The following PKP4 variants were observed in gnomAD, a reference collection of about 807,000 sequenced individuals.
PKP4 encodes the protein plakophilin-4.
In PKP4, 90 loss-of-function variants were observed where a neutral mutation model predicts 145.1. That is an observed-to-expected ratio of 0.62 (90% CI 0.52 to 0.74). The LOEUF (loss-of-function observed/expected upper bound fraction) is 0.74. Among genes scored for constraint, PKP4 ranks in the 30% least tolerant of loss-of-function variants. The pLI is 0.00. For missense variants in PKP4, 1,340 were observed against 1,482.7 expected, an observed-to-expected ratio of 0.90 and a Z score of 1.58; for synonymous variants, 563 against 577.2, an observed-to-expected ratio of 0.98 and a Z score of 0.35.
At chr2:158,639,321 G>GGTGTGT (rs60771839) in intron 9 of PKP4, among the ~76,000 whole-genome samples, 6 of 137,826 alleles carry the variant, frequency 4.4e-5, no homozygotes, top group East Asian at 2.2e-4. Context: ...ACGCATGAGG[G>GGTGTGT]GTGTGTGTGT....
intron 10 of PKP4, 107 bp from the exon 11 acceptor site, chr2:158,642,379 T>C (rs1252342546): frequency 2.5e-6 from 2 of 789,570 alleles, no homozygotes; most frequent in Non-Finnish European, 3.9e-6. Flanking sequence ...ACCTTTGAAA[T>C]GGTCTAGAGA....
intron 7 of PKP4, 139 bp downstream of exon 7, chr2:158,625,566 A>C: frequency 1.5e-6 from 1 of 675,942 alleles, no homozygotes; most frequent in Non-Finnish European, 2.5e-6. Context: ...ACTTAAGGTT[A>C]ACTTGTCTTT....
intron 1 of PKP4, among the ~76,000 whole-genome samples, chr2:158,508,283 T>G (rs1190923195): frequency 6.7e-6 from 1 of 148,316 alleles, no homozygotes; most frequent in African/African-American, 2.5e-5. Flanking sequence ...GAGAATTGCT[T>G]GAACCTGGAG....
chr2:158,634,496 CT>C (rs1474827661), intron 9 of PKP4, among the ~76,000 whole-genome samples: 1 of 152,046 alleles, frequency 6.6e-6, no homozygotes, highest in South Asian at 2.1e-4. Context: ...TCTTTCCATC[CT>C]TTCATAATAA....
chr2:158,586,609 A>C (rs2048823469), intron 3 of PKP4, among the ~76,000 whole-genome samples: 1 of 152,186 alleles, frequency 6.6e-6, no homozygotes, highest in Admixed American at 6.5e-5. Context: ...TGATGCTCTT[A>C]CGAGCAAATT....
In PKP4 at chr2:158,560,074, C is replaced by T. The variant is rs185300589; in HGVS notation, c.133-17197C>T. On this transcript the variant is annotated intron_variant, in intron 2 of 21. Coordinates refer to ENST00000389759, the MANE Select transcript of PKP4 (RefSeq NM_003628.6). ...TAGAGAAAGGGTTTCACCATGTTGG[C>T]CAGGGTGGTCTTGAACTCCTGGCCT... Among the ~76,000 whole-genome samples the T allele has an allele frequency of 4.3e-4, 65 of 152,204 alleles. No individual in the cohort carries two copies. The East Asian group carries it at 0.012, about 28-fold the overall frequency.
intron 11 of PKP4, among the ~76,000 whole-genome samples, chr2:158,656,675 G>C (rs2055964810): frequency 6.6e-6 from 1 of 152,178 alleles, no homozygotes; most frequent in Admixed American, 6.5e-5. Flanking sequence ...GAGGAGGCCA[G>C]AGCACAAGCA....
At chr2:158,459,514 T>C (rs1689431927) in intron 1 of PKP4, among the ~76,000 whole-genome samples, 1 of 152,164 alleles carries the variant, frequency 6.6e-6, no homozygotes, top group Admixed American at 6.5e-5. Context: ...GAAACGTTTA[T>C]GTTTTGGTTG....
chr2:158,621,115 A>T lies in PKP4; in HGVS notation c.406A>T (p.Ser136Cys), dbSNP rs187667528. The T allele has an allele frequency of 1.2e-5, 20 of 1,614,184 alleles. No homozygotes were observed. The East Asian group carries it at 4.0e-4, about 32-fold the overall frequency. Residue 136 changes from serine to cysteine, a missense_variant, in exon 5 of 22, where the codon AGT (serine) becomes TGT (cysteine). Transcript: ENST00000389759. ...YSPEQTSLHESEGSLGNSRSS... is the reference protein window; with the variant it reads ...YSPEQTSLHECEGSLGNSRSS... Reference sequence around the variant, plus strand: ...ACCAGAACAGACATCTCTCCATGAAAGTGAGGGTCTGTTGTGTTATCTTTT... The same window carrying T: ...ACCAGAACAGACATCTCTCCATGAATGTGAGGGTCTGTTGTGTTATCTTTT...
intron 6 of PKP4, among the ~76,000 whole-genome samples, chr2:158,624,298 C>G (rs2052545588): frequency 6.6e-6 from 1 of 152,166 alleles, no homozygotes; most frequent in African/African-American, 2.4e-5. Context: ...AGCGCCAGAC[C>G]CACACTTGAT....
At chr2:158,607,912 A>C (rs757930) in intron 4 of PKP4, among the ~76,000 whole-genome samples, 91,677 of 152,004 alleles carry the variant, frequency 0.6, 28,135 homozygotes, top group South Asian at 0.81. Context: ...TTTGACTGCC[A>C]TCTTCAGGGT....
In PKP4 at chr2:158,603,116, A is replaced by T. The variant is rs771536019; in HGVS notation, c.280+12A>T. 7.0e-7 allele frequency: 1 copy of T among 1,425,090 alleles called. No individual in the cohort carries two copies. The highest frequency in any genetic ancestry group is 1.4e-5 in the South Asian group (1 of 73,920). The allele number at this position is 1,425,090 out of a possible 1,614,324, so 88.3% of individuals were successfully genotyped here. On this transcript the variant is annotated intron_variant, in intron 4 of 21. Coordinates refer to ENST00000389759, the MANE Select transcript of PKP4 (RefSeq NM_003628.6). ...TTGGAGATCAACAGGTATGTTTTTT[A>T]TTATATAAAAGTTATGTTTGATAAA...
rs181004522 is a variant in PKP4, at chr2:158,595,335, T to G, written c.246-7735T>G. On this transcript the variant is annotated intron_variant, in intron 3 of 21. Transcript: ENST00000389759. Reference sequence around the variant, plus strand: ...CACCATGCTTATTGTAAATATAAAATGAGCTCACGGACATTCTTCTTGAGG... The same window carrying G: ...CACCATGCTTATTGTAAATATAAAAGGAGCTCACGGACATTCTTCTTGAGG... Among the ~76,000 whole-genome samples the G allele has an allele frequency of 2.0e-5, 3 of 152,284 alleles. No individual in the cohort carries two copies. In the East Asian group the frequency reaches 5.8e-4, roughly 29 times the overall value.
chr2:158,563,765 C>T (rs997606527), intron 2 of PKP4, among the ~76,000 whole-genome samples: 2 of 151,832 alleles, frequency 1.3e-5, no homozygotes, highest in African/African-American at 4.8e-5. Flanking sequence ...TACTAGTGTA[C>T]ATTCCTGCTA....
chr2:158,503,437 T>A (rs4664248), intron 1 of PKP4, among the ~76,000 whole-genome samples: 1 of 152,156 alleles, frequency 6.6e-6, no homozygotes, highest in African/African-American at 2.4e-5. Flanking sequence ...AAAGCAAGTC[T>A]CATGAATAAG....
chr2:158,585,326 A>T (rs902482453), intron 3 of PKP4, among the ~76,000 whole-genome samples: 6 of 152,330 alleles, frequency 3.9e-5, no homozygotes, highest in Non-Finnish European at 7.3e-5. Flanking sequence ...AAGGTCATAC[A>T]GTTTTGACAA....
intron 2 of PKP4, chr2:158,549,286 T>C (rs1355178875): frequency 6.6e-6 from 1 of 152,468 alleles, no homozygotes. Flanking sequence ...AAAAATAAAT[T>C]AAGTTTTCAG....
At position 158,584,798 on chromosome 2, in the gene PKP4, G is replaced by A. The variant is rs368047572; in HGVS notation, c.245+7415G>A. Among the ~76,000 whole-genome samples the A allele has an allele frequency of 1.3e-4, 20 of 152,282 alleles. 2 individuals are homozygous for A. Among genetic ancestry groups the A allele is most frequent in the South Asian group, 1.2e-3 (6 of 4,830 alleles). On this transcript the variant is annotated intron_variant, in intron 3 of 21. Coordinates refer to ENST00000389759, the MANE Select transcript of PKP4 (RefSeq NM_003628.6). Reference sequence around the variant, plus strand: ...AGTAAAGAATTTCAAAACTATAACTGTTCTTGACAACAGACTTGGAATGTT... The same window carrying A: ...AGTAAAGAATTTCAAAACTATAACTATTCTTGACAACAGACTTGGAATGTT...
At chr2:158,551,043 T>C (rs1282285073) in intron 2 of PKP4, among the ~76,000 whole-genome samples, 1 of 152,234 alleles carries the variant, frequency 6.6e-6, no homozygotes, top group Non-Finnish European at 1.5e-5. Flanking sequence ...AATAAGATTT[T>C]ACAAATACAG....
Sources: gnomAD v4.1 joint callset for allele counts (sites outside exome capture counted in the v4.1 genomes callset) on GRCh38, gnomAD v4.1.1 for gene constraint, MANE v1.5 for transcripts, NCBI Gene and HGNC (gene_info 2026-07-23, HGNC 2026-07-21) for gene names.